CMC1: variants seen among roughly 807,000 people sequenced by gnomAD.
CMC1 encodes the protein C-X9-C motif containing 1, also known as COX assembly mitochondrial protein homolog.
Under a neutral mutation model 14.1 loss-of-function variants are expected in CMC1, and 14 were observed. That is an observed-to-expected ratio of 0.99 (90% CI 0.66 to 1.55). CMC1 has a LOEUF of 1.55. CMC1 is among the 40% of genes most tolerant of loss of function. CMC1 has a pLI of 0.00. For missense variants in CMC1, 127 were observed against 123.8 expected, an observed-to-expected ratio of 1.03 and a Z score of -0.12; for synonymous variants, 50 against 38.4, an observed-to-expected ratio of 1.30 and a Z score of -1.12.
intron 1 of CMC1, among the ~76,000 whole-genome samples, chr3:28,255,727 A>G (rs1699370018): frequency 6.8e-6 from 1 of 147,684 alleles, no homozygotes; most frequent in South Asian, 2.1e-4. Context: ...GTACATACAC[A>G]CACACACACA....
rs180743308 is a variant in CMC1, at chr3:28,256,215, A to G, written c.20-7076A>G. Among the ~76,000 whole-genome samples the G allele has an allele frequency of 1.4e-3, 215 of 152,036 alleles. 2 individuals carry two copies. The highest frequency in any genetic ancestry group is 3.4e-3 in the Middle Eastern group (1 of 292). Reference sequence around the variant, plus strand: ...TATGTGTGTGTGTATATATATATATATATGTATACGTGTCAAGAGATCTTG... The same window carrying G: ...TATGTGTGTGTGTATATATATATATGTATGTATACGTGTCAAGAGATCTTG... On this transcript the variant is annotated intron_variant, in intron 1 of 3. Transcript: ENST00000466830.
At chr3:28,274,242 G>T (rs1244496297) in intron 2 of CMC1, among the ~76,000 whole-genome samples, 13 of 63,110 alleles carry the variant, frequency 2.1e-4, no homozygotes, top group African/African-American at 6.6e-4. Context: ...TTTTGCAGTG[G>T]CTAGTAACAG....
chr3:28,270,871 A>G (rs753117979), intron 2 of CMC1, among the ~76,000 whole-genome samples: 1 of 144,054 alleles, frequency 6.9e-6, no homozygotes, highest in Non-Finnish European at 1.5e-5. Flanking sequence ...CTTCTAGTGT[A>G]TAGTTTTGGG....
At position 28,319,665 on chromosome 3, in the gene CMC1, T is replaced by C; in HGVS notation, c.*36T>C. The stretch of plus-strand genomic sequence containing the variant: ...AAATGACATTCAGGAACTCTAATAT[T>C]CATGGAAGTCATTTTATAGTCCTTA... On this transcript the variant is annotated 3_prime_UTR_variant, in exon 4 of 4. Coordinates refer to ENST00000466830, the MANE Select transcript of CMC1 (RefSeq NM_182523.2). The C allele has an allele frequency of 1.9e-6, 3 of 1,553,846 alleles. No homozygotes were observed. The highest frequency in any genetic ancestry group is 2.6e-6 in the Non-Finnish European group (3 of 1,150,464).
intron 1 of CMC1, among the ~76,000 whole-genome samples, chr3:28,245,498 T>A (rs1009730501): frequency 1.3e-5 from 2 of 152,194 alleles, no homozygotes; most frequent in African/African-American, 4.8e-5. Context: ...TCTGTCAACA[T>A]AGATTCATTC....
At position 28,242,108 on chromosome 3, in the gene CMC1, G is replaced by C. The variant is rs920955645; in HGVS notation, c.19+296G>C. On this transcript the variant is annotated intron_variant, in intron 1 of 3. Transcript: ENST00000466830. Reference sequence around the variant, plus strand: ...CCTCTTTTCGCCCCTTAAGGTCACAGATGCATTTAATGTATGCTGCAGACA... The same window carrying C: ...CCTCTTTTCGCCCCTTAAGGTCACACATGCATTTAATGTATGCTGCAGACA... 3.9e-5 allele frequency among the ~76,000 whole-genome samples: 6 copies of C among 152,310 alleles called. No individual in the cohort carries two copies. The East Asian group carries it at 1.2e-3, about 29-fold the overall frequency.
intron 1 of CMC1, among the ~76,000 whole-genome samples, chr3:28,256,393 T>C (rs1194229517): frequency 6.6e-6 from 1 of 152,110 alleles, no homozygotes; most frequent in African/African-American, 2.4e-5. Flanking sequence ...AATTCTACTC[T>C]TAAGGCCTTT....
chr3:28,260,447 A>G (rs914817182), intron 1 of CMC1, among the ~76,000 whole-genome samples: 3 of 151,940 alleles, frequency 2.0e-5, no homozygotes, highest in African/African-American at 7.2e-5. Context: ...TTCCCTTATT[A>G]TTTAAAAATA....
intron 1 of CMC1, among the ~76,000 whole-genome samples, chr3:28,246,798 A>ATTTTTTTTT (rs770788764): frequency 8.2e-6 from 1 of 121,470 alleles, no homozygotes; most frequent in Non-Finnish European, 1.7e-5. Flanking sequence ...GGGTCCATTG[A>ATTTTTTTTT]TTTTTTTTTT....
intron 1 of CMC1, among the ~76,000 whole-genome samples, chr3:28,250,077 C>T (rs1416221833): frequency 6.6e-6 from 1 of 152,124 alleles, no homozygotes; most frequent in East Asian, 1.9e-4. Flanking sequence ...ACCTTAATTA[C>T]CTCCCAAAAG....
intron 1 of CMC1, chr3:28,253,612 C>A: frequency 1.3e-5 from 6 of 462,926 alleles, no homozygotes; most frequent in South Asian, 6.0e-5. Flanking sequence ...AAAAACCCCC[C>A]AAAAAACTCC....
chr3:28,284,637 G>T (rs1236004401), intron 2 of CMC1, among the ~76,000 whole-genome samples: 1 of 151,968 alleles, frequency 6.6e-6, no homozygotes, highest in Non-Finnish European at 1.5e-5. Context: ...TATAGATTTT[G>T]CTCATTTGTG....
rs145283385 is a variant in CMC1 at position 28,256,413 on chromosome 3, G to A, written c.20-6878G>A. Among the ~76,000 whole-genome samples, 258 of 152,196 alleles carry A rather than the reference G, an allele frequency of 1.7e-3. 3 individuals carry two copies. Among genetic ancestry groups the A allele is most frequent in the African/African-American group, 5.8e-3 (241 of 41,528 alleles). ...TACTCTTAAGGCCTTTGAACTGATT[G>A]TATTAGACCCACCCAAATAATCTTT... On this transcript the variant is annotated intron_variant, in intron 1 of 3. Transcript: ENST00000466830.
intron 2 of CMC1, among the ~76,000 whole-genome samples, chr3:28,285,364 G>GAAAA (rs78067779): frequency 0.51 from 77,249 of 151,722 alleles, 20,049 homozygotes; most frequent in Admixed American, 0.55. Flanking sequence ...ACATATTGTA[G>GAAAA]TATGAGATAA....
intron 2 of CMC1, among the ~76,000 whole-genome samples, chr3:28,310,665 A>G (rs1372900291): frequency 6.6e-6 from 1 of 152,212 alleles, no homozygotes; most frequent in Non-Finnish European, 1.5e-5. Flanking sequence ...TCTGCAGTGT[A>G]TAGATTTGCC....
chr3:28,324,000 G>T lies in CMC1; in HGVS notation c.*4371G>T, dbSNP rs1241120655. On this transcript the variant is annotated 3_prime_UTR_variant, in exon 4 of 4. Transcript: ENST00000466830. ...TAATTTCTTGGGAGGACCACTGAAA[G>T]AGATAAGTGTCCTCATGGTGAAATC... 10 of 1,532,606 alleles carry T rather than the reference G, an allele frequency of 6.5e-6. No individual in the cohort carries two copies. The African/African-American group carries it at 1.4e-4, about 21-fold the overall frequency. 94.9% of individuals were successfully genotyped at this position (1,532,606 alleles called of 1,614,324 possible).
intron 1 of CMC1, among the ~76,000 whole-genome samples, chr3:28,261,563 AT>A (rs904309112): frequency 2.0e-5 from 3 of 152,188 alleles, no homozygotes; most frequent in Non-Finnish European, 2.9e-5. Flanking sequence ...CAGGTGTTCA[AT>A]TTGCCATTTT....
At chr3:28,313,573 T>A (rs893828650) in intron 2 of CMC1, among the ~76,000 whole-genome samples, 1 of 152,184 alleles carries the variant, frequency 6.6e-6, no homozygotes, top group Non-Finnish European at 1.5e-5. Flanking sequence ...TAATGTAGAA[T>A]GAAAGAAAGG....
chr3:28,309,289 A>G (rs1702501484), intron 2 of CMC1, among the ~76,000 whole-genome samples: 1 of 152,068 alleles, frequency 6.6e-6, no homozygotes, highest in South Asian at 2.1e-4. Flanking sequence ...TTAACTGAAC[A>G]TGTCCTAAAT....
Sources: gnomAD v4.1 joint callset for allele counts (sites outside exome capture counted in the v4.1 genomes callset) on GRCh38, gnomAD v4.1.1 for gene constraint, MANE v1.5 for transcripts, NCBI Gene and HGNC (gene_info 2026-07-23, HGNC 2026-07-21) for gene names.